Variants in FGF12 observed in about 807,000 individuals in gnomAD.
The protein encoded by FGF12 is fibroblast growth factor 12.
FGF12 carries 14 observed loss-of-function variants against 23.6 expected under a neutral mutation model. The observed-to-expected ratio is 0.59, with a 90% CI of 0.39 to 0.93. The LOEUF is 0.93. FGF12 is among the 40% of genes least tolerant of loss of function. The pLI, the probability that FGF12 is intolerant of heterozygous loss-of-function variation, is 0.00. For synonymous variants in FGF12, 62 were observed against 77.3 expected (o/e 0.80, Z 1.04); for missense variants, 175 against 217.8 (o/e 0.80, Z 1.24).
At chr3:192,569,846 T>C (rs1040107106) in intron 2 of FGF12, among the ~76,000 whole-genome samples, 2 of 152,146 alleles carry the variant, frequency 1.3e-5, no homozygotes, top group Admixed American at 6.5e-5. Flanking sequence ...AAGGTTGCAA[T>C]AGGGAAAACA....
chr3:192,161,456 C>G (rs1054268476), intron 5 of FGF12, among the ~76,000 whole-genome samples: 2 of 151,312 alleles, frequency 1.3e-5, no homozygotes, highest in Non-Finnish European at 2.9e-5. Context: ...ACACACACAA[C>G]TGATTAAGTA....
At chr3:192,221,691 T>C (rs1431982760) in intron 4 of FGF12, among the ~76,000 whole-genome samples, 1 of 152,162 alleles carries the variant, frequency 6.6e-6, no homozygotes, top group South Asian at 2.1e-4. Flanking sequence ...GAAAGAAATA[T>C]AGTTCAAGTC....
intron 2 of FGF12, among the ~76,000 whole-genome samples, chr3:192,463,409 G>C (rs1230845638): frequency 6.6e-6 from 1 of 151,952 alleles, no homozygotes; most frequent in African/African-American, 2.4e-5. Flanking sequence ...GACAGAGTGA[G>C]ACTCTGTCTC....
chr3:192,522,682 G>A (rs1053372364), intron 2 of FGF12, among the ~76,000 whole-genome samples: 3 of 152,174 alleles, frequency 2.0e-5, no homozygotes, highest in Non-Finnish European at 4.4e-5. Flanking sequence ...AACACTATTT[G>A]ATAGTAGTGA....
Position 192,435,104 on chromosome 3 carries a change from T to C in FGF12, c.14-74566A>G, listed in dbSNP as rs551434971. ...TCATTTTCCTCAACAGGGTAAGTGA[T>C]TTTACAGCTGTTCCAATGTTCTATG... On this transcript the variant is annotated intron_variant, in intron 2 of 5. Transcript: ENST00000445105. 3.9e-5 allele frequency among the ~76,000 whole-genome samples: 6 copies of C among 152,308 alleles called. No individual in the cohort carries two copies. The South Asian group carries it at 1.0e-3, about 26-fold the overall frequency.
intron 2 of FGF12, among the ~76,000 whole-genome samples, chr3:192,452,495 A>G (rs548007965): frequency 6.6e-6 from 1 of 152,302 alleles, no homozygotes; most frequent in African/African-American, 2.4e-5. Flanking sequence ...AGTTTTAGTA[A>G]CAGGGTTCTA....
intron 2 of FGF12, among the ~76,000 whole-genome samples, chr3:192,527,331 A>G (rs948031847): frequency 6.6e-6 from 1 of 152,258 alleles, no homozygotes; most frequent in Non-Finnish European, 1.5e-5. Context: ...AAAATAAACT[A>G]AGATGATGAC....
At chr3:192,524,836 T>C (rs1368691690) in intron 2 of FGF12, among the ~76,000 whole-genome samples, 1 of 151,108 alleles carries the variant, frequency 6.6e-6, no homozygotes, top group African/African-American at 2.5e-5. Flanking sequence ...CAGCATTTCT[T>C]TTCTTTCTTA....
chr3:192,178,694 C>T (rs1316773435), intron 4 of FGF12, among the ~76,000 whole-genome samples: 1 of 152,190 alleles, frequency 6.6e-6, no homozygotes, highest in African/African-American at 2.4e-5. Context: ...GACAGGGTTT[C>T]ACCCTGTTGG....
chr3:192,525,880 T>C (rs1424883170), intron 2 of FGF12, among the ~76,000 whole-genome samples: 1 of 152,210 alleles, frequency 6.6e-6, no homozygotes. Context: ...GTTCAAGTGA[T>C]GCTCCTGCCT....
intron 2 of FGF12, among the ~76,000 whole-genome samples, chr3:192,541,105 A>C (rs1362073593): frequency 6.6e-6 from 1 of 152,064 alleles, no homozygotes; most frequent in Admixed American, 6.6e-5. Context: ...TTGATTGAAG[A>C]GTTTAGTCCA....
rs75571939 is a variant in FGF12 at position 192,593,224 on chromosome 3, C to T, written c.13+133957G>A. 9.2e-3 allele frequency among the ~76,000 whole-genome samples: 1,405 copies of T among 151,902 alleles called. 17 individuals carry two copies. The highest frequency in any genetic ancestry group is 0.03 in the African/African-American group (1,233 of 41,512). ...CCTCTCTAACACTCTGCTCTTTTGC[C>T]TCAGGCCTCTGCACAAGCTGTCCCC... is the stretch of plus-strand genomic sequence containing the variant. On this transcript the variant is annotated intron_variant, in intron 2 of 5. Transcript: ENST00000445105.
intron 4 of FGF12, among the ~76,000 whole-genome samples, chr3:192,296,514 G>A (rs1377791281): frequency 6.6e-6 from 1 of 152,118 alleles, no homozygotes; most frequent in Non-Finnish European, 1.5e-5. Context: ...GTGAGACACT[G>A]TGCCCAGCCT....
intron 2 of FGF12, among the ~76,000 whole-genome samples, chr3:192,365,464 T>C (rs1718936842): frequency 6.6e-6 from 1 of 152,048 alleles, no homozygotes; most frequent in South Asian, 2.1e-4. Flanking sequence ...TGTAATGATA[T>C]AGATTCTTCA....
intron 2 of FGF12, among the ~76,000 whole-genome samples, chr3:192,569,656 T>C (rs1187319849): frequency 6.6e-6 from 1 of 152,226 alleles, no homozygotes; most frequent in Non-Finnish European, 1.5e-5. Flanking sequence ...ATTCTCATTT[T>C]ACGGAAGAGG....
intron 2 of FGF12, among the ~76,000 whole-genome samples, chr3:192,609,687 A>C (rs528243200): frequency 3.1e-4 from 47 of 152,230 alleles, no homozygotes; most frequent in African/African-American, 1.0e-3. Flanking sequence ...TTATGGCCTC[A>C]TATGTTGCAA....
At chr3:192,344,717 C>T (rs1442922843) in intron 3 of FGF12, among the ~76,000 whole-genome samples, 4 of 152,110 alleles carry the variant, frequency 2.6e-5, no homozygotes, top group Non-Finnish European at 5.9e-5. Context: ...GAAATATTTG[C>T]CTTAGCTCTG....
chr3:192,541,794 C>T (rs565012611), intron 2 of FGF12, among the ~76,000 whole-genome samples: 8 of 151,938 alleles, frequency 5.3e-5, no homozygotes, highest in Non-Finnish European at 8.8e-5. Flanking sequence ...TTCACTGGAT[C>T]TACTATTTTA....
intron 2 of FGF12, among the ~76,000 whole-genome samples, chr3:192,364,143 T>C (rs1423818411): frequency 1.3e-5 from 2 of 152,172 alleles, no homozygotes; most frequent in Admixed American, 1.3e-4. Flanking sequence ...ATCACAACTC[T>C]GGGAATGATG....
Sources: allele counts gnomAD v4.1 joint callset (sites outside exome capture counted in the v4.1 genomes callset), GRCh38; gene constraint gnomAD v4.1.1; transcripts MANE v1.5; gene names NCBI Gene and HGNC (gene_info 2026-07-23, HGNC 2026-07-21).